The following AK3 variants were observed in gnomAD, a reference collection of about 807,000 sequenced individuals.
AK3 encodes GTP:AMP phosphotransferase AK3, mitochondrial.
Under a neutral mutation model 23.7 loss-of-function variants are expected in AK3, and 27 were observed. The observed-to-expected ratio is 1.14, with a 90% CI of 0.84 to 1.57. The LOEUF (loss-of-function observed/expected upper bound fraction) is 1.57, where lower values mean the gene tolerates loss of function less well. Among genes scored for constraint, AK3 ranks in the 40% most tolerant of loss-of-function variants. AK3 has a pLI of 0.00. For synonymous variants in AK3, 159 were observed against 116.0 expected (o/e 1.37, Z -2.38); for missense variants, 406 against 285.6 (o/e 1.42, Z -3.04).
intron 1 of AK3, among the ~76,000 whole-genome samples, chr9:4,732,224 C>G (rs1046506175): frequency 6.6e-6 from 1 of 152,164 alleles, no homozygotes; most frequent in African/African-American, 2.4e-5. Context: ...GCTGGAATTA[C>G]AGGCATGAGC....
At chr9:4,724,692 T>C (rs938707532) in intron 1 of AK3, among the ~76,000 whole-genome samples, 10 of 151,946 alleles carry the variant, frequency 6.6e-5, no homozygotes, top group African/African-American at 2.2e-4. Flanking sequence ...GGTGGGAAGA[T>C]TGCTTGAGCC....
intron 1 of AK3, among the ~76,000 whole-genome samples, chr9:4,733,809 A>T (rs1842209370): frequency 6.6e-6 from 1 of 152,128 alleles, no homozygotes; most frequent in Admixed American, 6.5e-5. Flanking sequence ...AGCTCTACAC[A>T]CATGGATCCT....
rs752864043 is a variant in AK3, at chr9:4,722,499, C to T, written c.271+7G>A. 6.2e-7 allele frequency: 1 copy of T among 1,614,074 alleles called. No homozygotes were observed. Among genetic ancestry groups the T allele is most frequent in the South Asian group, 1.1e-5 (1 of 91,076 alleles). ...GGCAGGTGAAATGCTCATGAGACTC[C>T]ACTTACCATCCAACAGCCAGCTATA... On this transcript the variant is annotated splice_region_variant and intron_variant, in intron 2 of 4. Coordinates refer to ENST00000381809, the MANE Select transcript of AK3 (RefSeq NM_016282.4).
chr9:4,715,022 C>G (rs1841684059), intron 4 of AK3, among the ~76,000 whole-genome samples: 1 of 151,896 alleles, frequency 6.6e-6, no homozygotes. Flanking sequence ...AGTTCAAGAC[C>G]AGCCTGGCCA....
At chr9:4,738,951 T>C (rs1318242372) in intron 1 of AK3, among the ~76,000 whole-genome samples, 3 of 151,906 alleles carry the variant, frequency 2.0e-5, no homozygotes, top group Non-Finnish European at 4.4e-5. Context: ...TTTTGTATTT[T>C]TGGTAGAGAC....
At chr9:4,722,691 A>T (rs1212878941) in intron 1 of AK3, 66 bp from the exon 2 acceptor site, 9 of 1,600,634 alleles carry the variant, frequency 5.6e-6, no homozygotes, top group Non-Finnish European at 7.7e-6. Flanking sequence ...GCACCTCGGA[A>T]CGAGTTGCCT....
At chr9:4,729,384 G>C (rs993169427) in intron 1 of AK3, among the ~76,000 whole-genome samples, 1 of 152,104 alleles carries the variant, frequency 6.6e-6, no homozygotes. Flanking sequence ...GCTGAGGCAG[G>C]AGGCTGAGGC....
chr9:4,737,492 G>A (rs776087017), intron 1 of AK3, among the ~76,000 whole-genome samples: 15 of 152,146 alleles, frequency 9.9e-5, no homozygotes, highest in African/African-American at 1.7e-4. Flanking sequence ...AGGCCAAGGC[G>A]GTTGGATCAC....
chr9:4,733,463 G>A (rs928962815), intron 1 of AK3, among the ~76,000 whole-genome samples: 1 of 152,190 alleles, frequency 6.6e-6, no homozygotes, highest in Non-Finnish European at 1.5e-5. Flanking sequence ...CTGGTGATGG[G>A]TAAATCATGT....
At chr9:4,731,884 A>T (rs770383308) in intron 1 of AK3, among the ~76,000 whole-genome samples, 1 of 152,236 alleles carries the variant, frequency 6.6e-6, no homozygotes, top group Non-Finnish European at 1.5e-5. Context: ...ACATGAAGAC[A>T]ATGGGGATGA....
intron 1 of AK3, among the ~76,000 whole-genome samples, chr9:4,723,120 C>T (rs1344164998): frequency 6.6e-6 from 1 of 152,072 alleles, no homozygotes; most frequent in African/African-American, 2.4e-5. Flanking sequence ...ACTTCAGATT[C>T]TTCATTATGG....
At chr9:4,715,916 G>T (rs551018706) in intron 4 of AK3, among the ~76,000 whole-genome samples, 1 of 152,266 alleles carries the variant, frequency 6.6e-6, no homozygotes, top group East Asian at 1.9e-4. Flanking sequence ...TTCAAGGATG[G>T]ACATGATCAG....
At chr9:4,731,585 A>G (rs759412648) in intron 1 of AK3, among the ~76,000 whole-genome samples, 122 of 151,854 alleles carry the variant, frequency 8.0e-4, no homozygotes, top group Non-Finnish European at 1.2e-3. Flanking sequence ...AAAAAAAAAA[A>G]AAGACTTAAC....
intron 1 of AK3, among the ~76,000 whole-genome samples, chr9:4,728,995 A>ACACC (rs1842088687): frequency 8.2e-6 from 1 of 121,264 alleles, no homozygotes; most frequent in Non-Finnish European, 1.7e-5. Context: ...ATACACACAC[A>ACACC]CACATATATA....
intron 2 of AK3, among the ~76,000 whole-genome samples, chr9:4,721,701 C>T (rs369730547): frequency 5.3e-5 from 8 of 152,100 alleles, no homozygotes; most frequent in Admixed American, 2.6e-4. Context: ...TCAGGTGATC[C>T]GCCCACCTTG....
At chr9:4,717,138 A>AGAAGGT (rs953007420) in intron 4 of AK3, among the ~76,000 whole-genome samples, 5 of 152,182 alleles carry the variant, frequency 3.3e-5, no homozygotes, top group African/African-American at 1.2e-4. Flanking sequence ...GAGGTTAAGC[A>AGAAGGT]GAAGGTGAAG....
chr9:4,741,105 C>T lies in AK3; in HGVS notation c.-18G>A, dbSNP rs1165533222. On this transcript the variant is annotated 5_prime_UTR_variant, in exon 1 of 5. Coordinates refer to ENST00000381809, the MANE Select transcript of AK3 (RefSeq NM_016282.4). ...GCCCCCATGGCCGCAGACTGAGGCC[C>T]GCACCGCGCGGGTACCAGGGCTTTG... 6.7e-7 allele frequency: 1 copy of T among 1,501,606 alleles called. No homozygotes were observed. Among genetic ancestry groups the T allele is most frequent in the Admixed American group, 2.3e-5 (1 of 44,250 alleles). The allele number at this position is 1,501,606 out of a possible 1,614,324, so 93.0% of individuals were successfully genotyped here. A position where few individuals can be genotyped will look rare whatever the true frequency, so the allele number is the denominator to read the frequency against.
At chr9:4,737,385 T>G (rs439786) in intron 1 of AK3, among the ~76,000 whole-genome samples, 1 of 151,958 alleles carries the variant, frequency 6.6e-6, no homozygotes, top group African/African-American at 2.4e-5. Flanking sequence ...GAGAAATCTA[T>G]GTTTTCACCC....
At chr9:4,735,880 C>T (rs183116351) in intron 1 of AK3, among the ~76,000 whole-genome samples, 6 of 151,844 alleles carry the variant, frequency 4.0e-5, no homozygotes, top group Non-Finnish European at 8.8e-5. Context: ...TTTGAGAAGC[C>T]GAGGTGGGTG....
Sources: gnomAD v4.1 joint callset for allele counts (sites outside exome capture counted in the v4.1 genomes callset) on GRCh38, gnomAD v4.1.1 for gene constraint, MANE v1.5 for transcripts, NCBI Gene and HGNC (gene_info 2026-07-23, HGNC 2026-07-21) for gene names.